The following ZNF862 variants were observed in gnomAD, a reference collection of about 807,000 sequenced individuals.
The protein encoded by ZNF862 is zinc finger protein 862.
In ZNF862, 64 loss-of-function variants were observed where a neutral mutation model predicts 91.1. The ratio of observed to expected loss-of-function variants is 0.70; its 90% CI spans 0.57 to 0.87. ZNF862 has a LOEUF of 0.87. ZNF862 is among the 40% of genes least tolerant of loss of function. The pLI is 0.00. For missense variants in ZNF862, 1,459 were observed against 1,528.0 expected (o/e 0.95, Z 0.75); for synonymous variants, 631 against 618.1 (o/e 1.02, Z -0.31).
intron 6 of ZNF862, 148 bp downstream of exon 6, chr7:149,859,674 A>G: frequency 1.6e-6 from 1 of 634,558 alleles, no homozygotes. Flanking sequence ...GACAAGATGA[A>G]TAAGCAACTA....
chr7:149,854,948 G>A (rs1358256244), intron 5 of ZNF862, among the ~76,000 whole-genome samples: 1 of 152,224 alleles, frequency 6.6e-6, no homozygotes, highest in Non-Finnish European at 1.5e-5. Context: ...TGATGACAGT[G>A]TGACCTCTCA....
At chr7:149,851,615 G>A (rs1478700059) in intron 5 of ZNF862, 1 of 152,266 alleles carries the variant, frequency 6.6e-6, no homozygotes, top group East Asian at 1.9e-4. Context: ...CGATTGTGAA[G>A]GTACCAGGCG....
chr7:149,850,130 G>A lies in ZNF862; in HGVS notation c.940-31G>A, dbSNP rs781441253. On this transcript the variant is annotated intron_variant, in intron 4 of 7. Coordinates refer to ENST00000223210, the MANE Select transcript of ZNF862 (RefSeq NM_001099220.3). The surrounding 1 kb of genome is among the most constrained non-coding windows in gnomAD (Gnocchi z 4.2). ...CACGTGGGAGTCTGGCTCGGCAGGC[G>A]GTGCTGAGTGGCCGCTGCTCTTTGT... 32 of 1,550,470 alleles carry A rather than the reference G, an allele frequency of 2.1e-5. No individual in the cohort carries two copies. Among genetic ancestry groups the A allele is most frequent in the Admixed American group, 1.2e-4 (6 of 50,990 alleles).
rs201013448 is a variant in ZNF862, at chr7:149,861,036, G to A, written c.1876G>A (p.Val626Met). The A allele has an allele frequency of 3.4e-5, 55 of 1,612,724 alleles. No homozygotes were observed. The highest frequency in any genetic ancestry group is 1.6e-4 in the Middle Eastern group (1 of 6,084). The change falls in exon 7 of 8, where the codon GTG becomes ATG. Residue 626 changes from valine (V) to methionine (M), a missense_variant. Transcript: ENST00000223210. The surrounding 1 kb of genome is among the most constrained non-coding windows in gnomAD (Gnocchi z 6.7). ...EDVRNSPCVS[V>M]LLDSSTDASE... Reference sequence around the variant, plus strand: ...CGTGCGGAACTCGCCCTGTGTGAGCGTGCTGCTGGACAGCTCCACCGACGC... The same window carrying A: ...CGTGCGGAACTCGCCCTGTGTGAGCATGCTGCTGGACAGCTCCACCGACGC...
chr7:149,859,321 A>G, intron 5 of ZNF862, 101 bp from the exon 6 acceptor site: 1 of 1,095,916 alleles, frequency 9.1e-7, no homozygotes, highest in Non-Finnish European at 1.4e-6. Context: ...GACAGAACCC[A>G]GAGACACCTC....
At chr7:149,840,892 T>C (rs1563114664) in intron 1 of ZNF862, 4 of 966,290 alleles carry the variant, frequency 4.1e-6, no homozygotes, top group Non-Finnish European at 4.9e-6. Context: ...CTAGAACTTA[T>C]CCCTGTTGTT....
At chr7:149,851,820 G>A (rs1238901546) in intron 5 of ZNF862, 1 of 152,162 alleles carries the variant, frequency 6.6e-6, no homozygotes, top group Non-Finnish European at 1.5e-5. Flanking sequence ...ATTTTATTTG[G>A]ATGAACAAAA....
intron 3 of ZNF862, 49 bp downstream of exon 3, chr7:149,846,304 C>A: frequency 6.9e-7 from 1 of 1,442,964 alleles, no homozygotes; most frequent in Non-Finnish European, 9.7e-7. Context: ...GGAGAGGGAG[C>A]ATGGGCAGCC....
At chr7:149,843,645 G>A (rs1242015598) in intron 1 of ZNF862, among the ~76,000 whole-genome samples, 3 of 152,114 alleles carry the variant, frequency 2.0e-5, no homozygotes, top group African/African-American at 7.2e-5. Flanking sequence ...CCAGTCTGCT[G>A]ACATTTAGTG....
chr7:149,843,297 T>C lies in ZNF862; in HGVS notation c.25-1328T>C, dbSNP rs185420715. On this transcript the variant is annotated intron_variant, in intron 1 of 7. Coordinates refer to ENST00000223210, the MANE Select transcript of ZNF862 (RefSeq NM_001099220.3). ...TAAATGGCATGCTGTTATTTCCCAATGTTATTTTTCTTTGGAGTGAGAAGT... is the reference window on the plus strand; with the variant it reads ...TAAATGGCATGCTGTTATTTCCCAACGTTATTTTTCTTTGGAGTGAGAAGT... Among the ~76,000 whole-genome samples, 10 of 152,352 alleles carry C rather than the reference T, an allele frequency of 6.6e-5. 1 individual carries two copies. The East Asian group carries it at 1.9e-3, about 29-fold the overall frequency.
rs1041938886 is a variant in ZNF862 at position 149,867,098 on chromosome 7, C to T, written c.*2814C>T. The T allele has an allele frequency of 6.6e-6, 1 of 152,256 alleles. No homozygotes were observed. Among genetic ancestry groups the T allele is most frequent in the East Asian group, 1.9e-4 (1 of 5,182 alleles). The allele number at this position is 152,256 out of a possible 1,614,324, so 9.4% of individuals were successfully genotyped here. On this transcript the variant is annotated 3_prime_UTR_variant, in exon 8 of 8. Transcript: ENST00000223210. ...GTCCTGGCATTTCCCCTCCCTCTCC[C>T]TGATGACTGATACCCACCGGGTCTG...
At chr7:149,843,475 A>C (rs1447215190) in intron 1 of ZNF862, among the ~76,000 whole-genome samples, 1 of 152,062 alleles carries the variant, frequency 6.6e-6, no homozygotes, top group Non-Finnish European at 1.5e-5. Flanking sequence ...TGGTACCTTA[A>C]ACCTCTTTGA....
chr7:149,845,145 C>T (rs1231649921), intron 2 of ZNF862: 1 of 177,226 alleles, frequency 5.6e-6, no homozygotes, highest in Non-Finnish European at 1.2e-5. Flanking sequence ...TCCCAGCTCT[C>T]CACTGGATAC....
intron 2 of ZNF862, among the ~76,000 whole-genome samples, chr7:149,845,349 A>G (rs1198705222): frequency 2.6e-5 from 4 of 152,216 alleles, no homozygotes; most frequent in Admixed American, 1.3e-4. Context: ...ATGTGTGTAC[A>G]CATATGCACT....
In ZNF862 at chr7:149,861,465, G is replaced by A. The variant is rs779174124; in HGVS notation, c.2305G>A (p.Glu769Lys). The stretch of plus-strand genomic sequence containing the variant: ...AAACAAGAGGCTGAACGAGCTGCAG[G>A]AAGGTGCGGCGCCTCTGGAGCAGGA... Reference protein sequence around the residue: ...SSNKRLNELQEGAAPLEQEII... With the variant: ...SSNKRLNELQKGAAPLEQEII... The change falls in exon 7 of 8, where the codon GAA becomes AAA. Residue 769 changes from glutamate (E) to lysine (K), a missense_variant. By Grantham distance (56) the Glu-to-Lys change is moderately conservative. Coordinates refer to ENST00000223210, the MANE Select transcript of ZNF862 (RefSeq NM_001099220.3). This position sits in a 1 kb window ranked among gnomAD's most constrained non-coding sequence, Gnocchi z 6.7. 1.2e-6 allele frequency: 2 copies of A among 1,613,420 alleles called. No homozygotes were observed. Among genetic ancestry groups the A allele is most frequent in the African/African-American group, 1.3e-5 (1 of 75,074 alleles).
In ZNF862 at chr7:149,861,949, A is replaced by C. The variant is rs777552986; in HGVS notation, c.2789A>C (p.Glu930Ala). 1.6e-5 allele frequency: 26 copies of C among 1,613,722 alleles called. No individual in the cohort carries two copies. The highest frequency in any genetic ancestry group is 2.1e-5 in the Non-Finnish European group (25 of 1,179,898). The change falls in exon 7 of 8, where the codon GAG becomes GCG. Residue 930 changes from glutamate (E) to alanine (A), a missense_variant. Coordinates refer to ENST00000223210, the MANE Select transcript of ZNF862 (RefSeq NM_001099220.3). This position sits in a 1 kb window ranked among gnomAD's most constrained non-coding sequence, Gnocchi z 6.7. ...DRERTVLTGI[E>A]YLQQRFDADR... Reference sequence around the variant, plus strand: ...GAGAGGACAGTCCTGACGGGGATTGAGTACCTCCAGCAGAGGTTTGACGCA... The same window carrying C: ...GAGAGGACAGTCCTGACGGGGATTGCGTACCTCCAGCAGAGGTTTGACGCA...
At chr7:149,841,196 C>A in intron 1 of ZNF862, 1 of 985,378 alleles carries the variant, frequency 1.0e-6, no homozygotes, top group Non-Finnish European at 1.2e-6. Context: ...AACTCCACTC[C>A]GAACAGCATT....
Position 149,861,343 on chromosome 7 carries a change from G to A in ZNF862, c.2183G>A (p.Arg728Gln), listed in dbSNP as rs904203102. The change falls in exon 7 of 8, where the codon CGG becomes CAG. Residue 728 changes from arginine (R) to glutamine (Q), a missense_variant. Transcript: ENST00000223210. The surrounding 1 kb of genome is among the most constrained non-coding windows in gnomAD (Gnocchi z 6.7). ...CTGCCTGTCCACTGCGTGGCCCACC[G>A]GCTGCACCTGGCTGTGGTGGACGCC... ...QLLPVHCVAHRLHLAVVDACG... is the reference protein window; with the variant it reads ...QLLPVHCVAHQLHLAVVDACG... 3.0e-5 allele frequency: 48 copies of A among 1,612,978 alleles called. No individual in the cohort carries two copies. The highest frequency in any genetic ancestry group is 4.0e-5 in the African/African-American group (3 of 74,944).
intron 7 of ZNF862, 67 bp downstream of exon 7, chr7:149,862,561 C>A: frequency 2.1e-6 from 3 of 1,461,058 alleles, no homozygotes; most frequent in Non-Finnish European, 2.7e-6. Flanking sequence ...TAAGACAGGA[C>A]TGCAGGTGCC....
Sources: allele counts gnomAD v4.1 joint callset (sites outside exome capture counted in the v4.1 genomes callset), GRCh38; gene constraint gnomAD v4.1.1; non-coding constraint Gnocchi (gnomAD v3.1); transcripts MANE v1.5; gene names NCBI Gene and HGNC (gene_info 2026-07-23, HGNC 2026-07-21).